Variants in TACR3 observed in about 807,000 individuals in gnomAD.
TACR3 encodes the protein neuromedin-K receptor.
TACR3 carries 34 observed loss-of-function variants against 35.0 expected under a neutral mutation model. The ratio of observed to expected loss-of-function variants is 0.97; its 90% CI spans 0.74 to 1.30. The LOEUF (loss-of-function observed/expected upper bound fraction) is 1.30. Among genes scored for constraint, TACR3 ranks in the 50% most tolerant of loss-of-function variants. The pLI is 0.00. For missense variants in TACR3, 558 were observed against 591.7 expected, an observed-to-expected ratio of 0.94 and a Z score of 0.59; for synonymous variants, 233 against 221.1, an observed-to-expected ratio of 1.05 and a Z score of -0.48.
intron 3 of TACR3, among the ~76,000 whole-genome samples, chr4:103,617,652 G>C (rs1221097187): frequency 1.3e-5 from 2 of 151,934 alleles, no homozygotes; most frequent in Non-Finnish European, 2.9e-5. Flanking sequence ...AACCAGACTT[G>C]GAATATCAAA....
At chr4:103,678,011 C>A (rs1372981613) in intron 1 of TACR3, among the ~76,000 whole-genome samples, 2 of 151,816 alleles carry the variant, frequency 1.3e-5, no homozygotes, top group African/African-American at 2.4e-5. Flanking sequence ...TCAACAGAAA[C>A]CTGTTTCATC....
rs148234794 is a variant in TACR3 at position 103,692,584 on chromosome 4, C to T, written c.548+26544G>A. Among the ~76,000 whole-genome samples the T allele has an allele frequency of 2.1e-3, 318 of 152,230 alleles. 1 individual carries two copies. The highest frequency in any genetic ancestry group is 7.3e-3 in the African/African-American group (303 of 41,546). On this transcript the variant is annotated intron_variant, in intron 1 of 4. Coordinates refer to ENST00000304883, the MANE Select transcript of TACR3 (RefSeq NM_001059.3). ...ACCAACTTTCTGTAATTAAGAGGAG[C>T]GTTTCATCACCATCACGTCAGATAA...
intron 1 of TACR3, among the ~76,000 whole-genome samples, chr4:103,668,286 T>A (rs968719770): frequency 2.0e-5 from 3 of 152,306 alleles, no homozygotes; most frequent in South Asian, 2.1e-4. Flanking sequence ...CACTGTACTG[T>A]AGTCTATCAA....
rs372241822 is a variant in TACR3, at chr4:103,670,193, G to T, written c.549-11790C>A. 4.6e-5 allele frequency among the ~76,000 whole-genome samples: 7 copies of T among 152,098 alleles called. No individual in the cohort carries two copies. The East Asian group carries it at 5.8e-4, about 13-fold the overall frequency. On this transcript the variant is annotated intron_variant, in intron 1 of 4. Coordinates refer to ENST00000304883, the MANE Select transcript of TACR3 (RefSeq NM_001059.3). The stretch of plus-strand genomic sequence containing the variant: ...TCTATTCTGTTCCATTCGTCTATGT[G>T]TCTGTTCTTATGACAGCACAATACT...
chr4:103,620,825 C>T (rs550976474), intron 3 of TACR3, among the ~76,000 whole-genome samples: 1 of 152,134 alleles, frequency 6.6e-6, no homozygotes, highest in African/African-American at 2.4e-5. Flanking sequence ...CTCCAGACAT[C>T]AACTTCACAC....
intron 3 of TACR3, among the ~76,000 whole-genome samples, chr4:103,627,325 G>A (rs1389499399): frequency 2.8e-5 from 4 of 140,864 alleles, no homozygotes; most frequent in Admixed American, 7.4e-5. Context: ...GACCAGTCTG[G>A]CCAACATGGT....
chr4:103,592,902 CA>C (rs1723925448), intron 3 of TACR3, among the ~76,000 whole-genome samples: 1 of 152,110 alleles, frequency 6.6e-6, no homozygotes, highest in Admixed American at 6.6e-5. Flanking sequence ...AGGGCCAAAT[CA>C]CTGTACCATC....
intron 3 of TACR3, among the ~76,000 whole-genome samples, chr4:103,596,352 T>A (rs972302568): frequency 2.6e-5 from 4 of 151,912 alleles, no homozygotes; most frequent in Non-Finnish European, 5.9e-5. Context: ...GTTGAACTAG[T>A]TTACAGTCCC....
intron 1 of TACR3, among the ~76,000 whole-genome samples, chr4:103,684,626 C>T (rs978682274): frequency 1.3e-5 from 2 of 152,146 alleles, no homozygotes; most frequent in African/African-American, 4.8e-5. Flanking sequence ...TGATAATATC[C>T]TAACTGATCT....
chr4:103,614,767 T>G (rs1174918147), intron 3 of TACR3, among the ~76,000 whole-genome samples: 1 of 152,106 alleles, frequency 6.6e-6, no homozygotes. Flanking sequence ...GGGCTTGATA[T>G]TCATTCAATA....
At chr4:103,617,113 AAAATTATGAGACATGTGAAT>A (rs1266370121) in intron 3 of TACR3, among the ~76,000 whole-genome samples, 1 of 152,238 alleles carries the variant, frequency 6.6e-6, no homozygotes, top group Non-Finnish European at 1.5e-5. Context: ...TAAGCAACAA[AAAATTATGAGACATGTGAAT>A]AAATAGAAAA....
intron 1 of TACR3, among the ~76,000 whole-genome samples, chr4:103,672,239 T>A (rs896203083): frequency 6.6e-6 from 1 of 152,124 alleles, no homozygotes; most frequent in African/African-American, 2.4e-5. Context: ...AAGTCATCTA[T>A]GATGTTCTTA....
At chr4:103,664,425 T>C (rs1725895531) in intron 1 of TACR3, among the ~76,000 whole-genome samples, 1 of 152,202 alleles carries the variant, frequency 6.6e-6, no homozygotes, top group South Asian at 2.1e-4. Flanking sequence ...TTTTATGAGC[T>C]TTTACATATC....
chr4:103,621,008 C>T (rs967027077), intron 3 of TACR3, among the ~76,000 whole-genome samples: 3 of 152,042 alleles, frequency 2.0e-5, no homozygotes, highest in African/African-American at 7.3e-5. Flanking sequence ...AGGCATAGAC[C>T]CTGCTCTTCA....
At chr4:103,609,736 G>A (rs745599162) in intron 3 of TACR3, among the ~76,000 whole-genome samples, 10 of 151,884 alleles carry the variant, frequency 6.6e-5, no homozygotes, top group Non-Finnish European at 1.3e-4. Context: ...TGTACCTGGT[G>A]ACCAACCTCT....
intron 3 of TACR3, among the ~76,000 whole-genome samples, chr4:103,627,706 C>T (rs1265156158): frequency 6.6e-6 from 1 of 151,134 alleles, no homozygotes; most frequent in Non-Finnish European, 1.5e-5. Flanking sequence ...GAAACTTTAA[C>T]ACCCCACTGT....
At chr4:103,627,288 A>G (rs1282228818) in intron 3 of TACR3, among the ~76,000 whole-genome samples, 6 of 134,628 alleles carry the variant, frequency 4.5e-5, no homozygotes, top group Admixed American at 3.9e-4. Context: ...AGCCAGGGTG[A>G]TGGATCACCT....
At chr4:103,611,477 G>T (rs1049882374) in intron 3 of TACR3, among the ~76,000 whole-genome samples, 9 of 152,102 alleles carry the variant, frequency 5.9e-5, no homozygotes, top group African/African-American at 2.2e-4. Context: ...GCAAAAGTAA[G>T]GTACACACAG....
intron 1 of TACR3, among the ~76,000 whole-genome samples, chr4:103,670,581 A>G (rs904040293): frequency 6.6e-5 from 10 of 151,924 alleles, no homozygotes; most frequent in African/African-American, 2.4e-4. Flanking sequence ...TGCTATTATA[A>G]ATGGGATTGC....
Sources: allele counts gnomAD v4.1 joint callset (sites outside exome capture counted in the v4.1 genomes callset), GRCh38; gene constraint gnomAD v4.1.1; transcripts MANE v1.5; gene names NCBI Gene and HGNC (gene_info 2026-07-23, HGNC 2026-07-21).